The following BCAS4 variants were observed in gnomAD, a reference collection of about 807,000 sequenced individuals.
BCAS4 encodes breast carcinoma amplified sequence 4.
A neutral mutation model predicts 15.7 loss-of-function variants in BCAS4; 9 were observed. That is an observed-to-expected ratio of 0.57 (90% CI 0.34 to 1.00). The LOEUF (loss-of-function observed/expected upper bound fraction) is 1.00, where lower values mean the gene tolerates loss of function less well. Among genes scored for constraint, BCAS4 ranks in the 50% least tolerant of loss-of-function variants. The pLI, the probability that BCAS4 is intolerant of heterozygous loss-of-function variation, is 0.02. For missense variants in BCAS4, 225 were observed against 239.1 expected (o/e 0.94, Z 0.39); for synonymous variants, 101 against 99.5 (o/e 1.02, Z -0.09).
In BCAS4 at chr20:50,851,005, C is replaced by A. The variant is rs796274734; in HGVS notation, c.399+9105C>A. Among the ~76,000 whole-genome samples, 4,558 of 148,154 alleles carry A rather than the reference C, an allele frequency of 0.031. 108 individuals carry two copies. Among genetic ancestry groups the A allele is most frequent in the Non-Finnish European group, 0.043 (2,864 of 66,738 alleles). On this transcript the variant is annotated intron_variant, in intron 4 of 4. Transcript: ENST00000371608. This position sits in a 1 kb window ranked among gnomAD's most constrained non-coding sequence, Gnocchi z 4.3. ...TCAGTGCCAGGCTCAGCGTGCTCCC[C>A]TCCCCAGCGACCCCCCCAGCTCCCG... is the stretch of plus-strand genomic sequence containing the variant.
chr20:50,841,433 G>A (rs564984558), intron 3 of BCAS4, among the ~76,000 whole-genome samples: 4 of 147,340 alleles, frequency 2.7e-5, no homozygotes, highest in African/African-American at 5.2e-5. Flanking sequence ...TGAGACCCCC[G>A]CCCCTGCCCC....
chr20:50,841,448 AC>A (rs2088480728), intron 3 of BCAS4, among the ~76,000 whole-genome samples: 1 of 151,960 alleles, frequency 6.6e-6, no homozygotes, highest in Admixed American at 6.6e-5. Context: ...TGCCCCTGCC[AC>A]TTCCTGACTT....
intron 1 of BCAS4, among the ~76,000 whole-genome samples, chr20:50,803,232 C>T (rs1053951163): frequency 5.9e-5 from 9 of 152,176 alleles, no homozygotes; most frequent in Non-Finnish European, 1.0e-4. Flanking sequence ...CCCATCAGTG[C>T]GGGCCAGTGC....
Position 50,819,196 on chromosome 20 carries a change from A to G in BCAS4, c.162+914A>G, listed in dbSNP as rs554978649. On this transcript the variant is annotated intron_variant, in intron 2 of 4. Transcript: ENST00000371608. ...AGATTGTGTCTCAAAAAAAAAAGAA[A>G]AGAAAAAGAAATTGCTTCTAGATCC... Among the ~76,000 whole-genome samples, 194 of 152,080 alleles carry G rather than the reference A, an allele frequency of 1.3e-3. 2 individuals carry two copies. Among genetic ancestry groups the G allele is most frequent in the Middle Eastern group, 3.4e-3 (1 of 294 alleles).
chr20:50,849,839 ATGT>A (rs1489301391), intron 4 of BCAS4, among the ~76,000 whole-genome samples: 12 of 152,184 alleles, frequency 7.9e-5, no homozygotes, highest in Admixed American at 7.9e-4. Flanking sequence ...GTGGAAAAAC[ATGT>A]TGTGGCTGGA....
rs1023105020 is a variant in BCAS4 at position 50,851,551 on chromosome 20, T to TG, written c.399+9658dup. Among the ~76,000 whole-genome samples the TG allele has an allele frequency of 3.9e-5, 6 of 152,088 alleles. No homozygotes were observed. The highest frequency in any genetic ancestry group is 9.7e-5 in the African/African-American group (4 of 41,382). ...TCCGACAACAAGAAGTTTTCATTTTTGGGGGGGTGCTGTTTGTTGGGCCCT... is the reference window on the plus strand; with the variant it reads ...TCCGACAACAAGAAGTTTTCATTTTTGGGGGGGGTGCTGTTTGTTGGGCCCT... On this transcript the variant is annotated intron_variant, in intron 4 of 4. Coordinates refer to ENST00000371608, the MANE Select transcript of BCAS4 (RefSeq NM_198799.4). This position sits in a 1 kb window ranked among gnomAD's most constrained non-coding sequence, Gnocchi z 4.3.
intron 1 of BCAS4, among the ~76,000 whole-genome samples, chr20:50,808,492 C>A (rs911192519): frequency 1.3e-5 from 2 of 152,194 alleles, no homozygotes; most frequent in Admixed American, 1.3e-4. Flanking sequence ...AAAAGTGTTC[C>A]TTTTCATCAC....
chr20:50,810,691 C>T (rs543658505), intron 1 of BCAS4, among the ~76,000 whole-genome samples: 11 of 151,128 alleles, frequency 7.3e-5, no homozygotes, highest in Non-Finnish European at 1.5e-4. Flanking sequence ...CCTGGGTTCA[C>T]GCCGTTTTCC....
intron 4 of BCAS4, among the ~76,000 whole-genome samples, chr20:50,866,833 G>A (rs984260411): frequency 2.0e-4 from 30 of 152,188 alleles, no homozygotes; most frequent in African/African-American, 6.0e-4. Context: ...CAAGTGACTC[G>A]CTGAGCCTCA....
At chr20:50,856,490 C>T (rs1036354464) in intron 4 of BCAS4, among the ~76,000 whole-genome samples, 4 of 152,206 alleles carry the variant, frequency 2.6e-5, no homozygotes, top group African/African-American at 9.6e-5. Context: ...GAAGCTGGAG[C>T]AGGGAGGTGG....
chr20:50,824,411 G>C (rs575399845), intron 2 of BCAS4, among the ~76,000 whole-genome samples: 5 of 152,304 alleles, frequency 3.3e-5, no homozygotes, highest in Non-Finnish European at 5.9e-5. Context: ...CAGACTTCTG[G>C]GTTCTGGAGA....
At chr20:50,835,989 C>G (rs544335315) in intron 3 of BCAS4, among the ~76,000 whole-genome samples, 1 of 151,892 alleles carries the variant, frequency 6.6e-6, no homozygotes, top group East Asian at 1.9e-4. Context: ...GCGATCTCGG[C>G]TCACTGCAAC....
At chr20:50,805,012 T>C (rs1368365128) in intron 1 of BCAS4, among the ~76,000 whole-genome samples, 1 of 152,230 alleles carries the variant, frequency 6.6e-6, no homozygotes, top group African/African-American at 2.4e-5. Flanking sequence ...GATGATTTTC[T>C]GCCTGGGCTG....
intron 4 of BCAS4, among the ~76,000 whole-genome samples, chr20:50,868,120 C>T (rs1296543500): frequency 6.6e-6 from 1 of 152,104 alleles, no homozygotes; most frequent in African/African-American, 2.4e-5. Context: ...GGAGGAAGAC[C>T]GCAGAGGTAA....
chr20:50,832,164 A>G (rs1278164043), intron 3 of BCAS4, among the ~76,000 whole-genome samples: 1 of 152,066 alleles, frequency 6.6e-6, no homozygotes, highest in African/African-American at 2.4e-5. Flanking sequence ...AGAAATTACC[A>G]TGAATTCAGT....
At chr20:50,843,198 C>T (rs2088504879) in intron 4 of BCAS4, among the ~76,000 whole-genome samples, 1 of 152,150 alleles carries the variant, frequency 6.6e-6, no homozygotes, top group South Asian at 2.1e-4. Context: ...CTTCAGCGAT[C>T]CTCCTGCCTT....
intron 4 of BCAS4, among the ~76,000 whole-genome samples, chr20:50,857,994 C>T (rs1211457875): frequency 4.6e-5 from 7 of 152,088 alleles, no homozygotes; most frequent in East Asian, 3.9e-4. Flanking sequence ...ATGCCCATCC[C>T]GTCCCCACAC....
intron 1 of BCAS4, among the ~76,000 whole-genome samples, chr20:50,811,897 AC>A (rs2088068263): frequency 6.6e-6 from 1 of 152,166 alleles, no homozygotes; most frequent in Non-Finnish European, 1.5e-5. Context: ...TGTTGGGATT[AC>A]AGGCATGAGC....
chr20:50,822,216 G>T (rs1363949902), intron 2 of BCAS4, among the ~76,000 whole-genome samples: 1 of 152,148 alleles, frequency 6.6e-6, no homozygotes, highest in Non-Finnish European at 1.5e-5. Flanking sequence ...TAGCATGGCT[G>T]TTTGACCTCC....
Sources: allele counts gnomAD v4.1 joint callset (sites outside exome capture counted in the v4.1 genomes callset), GRCh38; gene constraint gnomAD v4.1.1; non-coding constraint Gnocchi (gnomAD v3.1); transcripts MANE v1.5; gene names NCBI Gene and HGNC (gene_info 2026-07-23, HGNC 2026-07-21).